The following PKP3 variants were observed in gnomAD, a reference collection of about 807,000 sequenced individuals.
PKP3 encodes the protein plakophilin 3, also known as plakophilin-3.
In PKP3, 66 loss-of-function variants were observed where a neutral mutation model predicts 76.5. The ratio of observed to expected loss-of-function variants is 0.86; its 90% CI spans 0.71 to 1.06. PKP3 has a LOEUF of 1.06. Ranked by LOEUF, PKP3 falls within the 50% of genes least tolerant of loss-of-function variation. The pLI, the probability that PKP3 is intolerant of heterozygous loss-of-function variation, is 0.00. For missense variants in PKP3, 1,338 were observed against 1,141.0 expected (o/e 1.17, Z -2.49); for synonymous variants, 638 against 516.5 (o/e 1.24, Z -3.19).
Position 394,492 on chromosome 11 carries a change from C to A in PKP3, c.200C>A (p.Ala67Asp). ...CAGCAGCCGCGGCACAACGGGGCCG[C>A]TGAGCCCGAGCCTGAGGCCGAGACT... Reference protein sequence around the residue: ...LGQQPRHNGAAEPEPEAETAR... With the variant: ...LGQQPRHNGADEPEPEAETAR... The change falls in exon 1 of 13, where the codon GCT becomes GAT. Residue 67 changes from alanine to aspartate, a missense_variant. Transcript: ENST00000331563. 7.1e-7 allele frequency: 1 copy of A among 1,411,348 alleles called. No homozygotes were observed. The highest frequency in any genetic ancestry group is 9.2e-7 in the Non-Finnish European group (1 of 1,090,356). The allele number at this position is 1,411,348 out of a possible 1,614,324, so 87.4% of individuals were successfully genotyped here. A position where few individuals can be genotyped will look rare whatever the true frequency, so the allele number is the denominator to read the frequency against.
Position 397,208 on chromosome 11 carries a change from A to T in PKP3, c.707A>T (p.Glu236Val), listed in dbSNP as rs1184002343. 1 of 1,598,854 alleles carries T rather than the reference A, an allele frequency of 6.3e-7. No individual in the cohort carries two copies. The highest frequency in any genetic ancestry group is 8.5e-7 in the Non-Finnish European group (1 of 1,179,192). ...AGGLDWPEAT[E>V]VSPSRTIRAP... Reference sequence around the variant, plus strand: ...GGGCTGGACTGGCCCGAGGCCACTGAGGTTTCCCCGAGCCGGACCATCCGT... The same window carrying T: ...GGGCTGGACTGGCCCGAGGCCACTGTGGTTTCCCCGAGCCGGACCATCCGT... The change falls in exon 3 of 13, where the codon GAG becomes GTG. Residue 236 changes from glutamate (E) to valine (V), a missense_variant. By Grantham distance (121) the Glu-to-Val change is moderately radical. Coordinates refer to ENST00000331563, the MANE Select transcript of PKP3 (RefSeq NM_007183.4).
intron 1 of PKP3, among the ~76,000 whole-genome samples, chr11:395,428 G>A (rs1847032497): frequency 6.6e-6 from 1 of 152,228 alleles, no homozygotes; most frequent in Non-Finnish European, 1.5e-5. Flanking sequence ...TGGACTGTGG[G>A]GTCCTCCCTC....
chr11:396,901 A>T lies in PKP3; in HGVS notation c.400A>T (p.Ser134Cys). The change falls in exon 3 of 13, where the codon AGT becomes TGT. Residue 134 changes from serine to cysteine, a missense_variant. Physicochemically the swap from Ser to Cys is moderately radical, Grantham distance 112 (BLOSUM62 -1). Coordinates refer to ENST00000331563, the MANE Select transcript of PKP3 (RefSeq NM_007183.4). ...AVDLSCSRRL[S>C]SAHNGGSAFG... ...GGATCTGAGCTGCAGTCGGAGGCTG[A>T]GTTCAGCCCACAACGGGGGCAGCGC... 1.3e-6 allele frequency: 2 copies of T among 1,597,670 alleles called. No individual in the cohort carries two copies. Among genetic ancestry groups the T allele is most frequent in the Non-Finnish European group, 1.7e-6 (2 of 1,175,092 alleles).
At chr11:393,759 C>G (rs1847005710), upstream of PKP3, among the ~76,000 whole-genome samples, 1 of 152,148 alleles carries the variant, frequency 6.6e-6, no homozygotes, top group Admixed American at 6.5e-5. Context: ...CCCCACCTCA[C>G]CAGGAAGGCT....
chr11:398,890 C>G, intron 4 of PKP3, 102 bp from the exon 5 acceptor site: 1 of 927,922 alleles, frequency 1.1e-6, no homozygotes, highest in Non-Finnish European at 1.6e-6. Flanking sequence ...GGCTGCATCC[C>G]CTGCATATCT....
chr11:400,804 T>G (rs1590357936), intron 8 of PKP3, 99 bp downstream of exon 8: 7 of 428,406 alleles, frequency 1.6e-5, no homozygotes, highest in Non-Finnish European at 2.0e-5. Context: ...CCCGCCCCGC[T>G]CACCCCGCCC....
chr11:404,635 GCTT>G lies in PKP3; in HGVS notation c.*67_*69del. On this transcript the variant is annotated 3_prime_UTR_variant, in exon 13 of 13. Coordinates refer to ENST00000331563, the MANE Select transcript of PKP3 (RefSeq NM_007183.4). This position sits in a 1 kb window ranked among gnomAD's most constrained non-coding sequence, Gnocchi z 4.2. ...CAAGGGACAGACTCAGCTCCAGGCT[GCTT>G]GGCAGCCCAGCCTGGAGGAGAAGGC... The G allele has an allele frequency of 6.6e-7, 1 of 1,519,402 alleles. No individual in the cohort carries two copies. The highest frequency in any genetic ancestry group is 9.1e-7 in the Non-Finnish European group (1 of 1,096,644). 94.1% of individuals were successfully genotyped at this position (1,519,402 alleles called of 1,614,324 possible).
intron 5 of PKP3, among the ~76,000 whole-genome samples, chr11:399,747 A>AG (rs1379494146): frequency 1.3e-5 from 2 of 149,972 alleles, no homozygotes; most frequent in Non-Finnish European, 3.0e-5. Context: ...CTGCACTGCC[A>AG]GGCCTGCTCA....
chr11:397,266 G>T lies in PKP3; in HGVS notation c.765G>T (p.Gln255His). 1 of 1,599,180 alleles carries T rather than the reference G, an allele frequency of 6.3e-7. No individual in the cohort carries two copies. The highest frequency in any genetic ancestry group is 8.5e-7 in the Non-Finnish European group (1 of 1,177,132). ...CCGTGCGGACCCTGCAGCGATTCCA[G>T]AGCAGCCACCGGAGCCGCGGGGTAG... ...APAVRTLQRF[Q>H]SSHRSRGVGG... Residue 255 changes from glutamine (Q) to histidine (H), a missense_variant, in exon 3 of 13, where the codon CAG (glutamine) becomes CAT (histidine). Physicochemically the swap from Gln to His is conservative, Grantham distance 24 (BLOSUM62 0). Coordinates refer to ENST00000331563, the MANE Select transcript of PKP3 (RefSeq NM_007183.4).
intron 9 of PKP3, 32 bp from the exon 10 acceptor site, chr11:403,586 C>A (rs374577798): frequency 1.3e-6 from 2 of 1,594,302 alleles, no homozygotes; most frequent in Non-Finnish European, 1.7e-6. Context: ...CTGAGGCCTC[C>A]GGGTCACGGC....
rs2133592737 is a variant in PKP3 at position 394,209 on chromosome 11, A to G, written c.-84A>G. 45 of 1,390,454 alleles carry G rather than the reference A, an allele frequency of 3.2e-5. No homozygotes were observed. The South Asian group carries it at 5.7e-4, about 18-fold the overall frequency. 86.1% of individuals were successfully genotyped at this position (1,390,454 alleles called of 1,614,324 possible). ...GTGAGGCTGGCTGGGCGGGGACTTCAGGGAGAGGGCCTCGAGGGACAGGAC... is the reference window on the plus strand; with the variant it reads ...GTGAGGCTGGCTGGGCGGGGACTTCGGGGAGAGGGCCTCGAGGGACAGGAC... On this transcript the variant is annotated 5_prime_UTR_variant, in exon 1 of 13. Coordinates refer to ENST00000331563, the MANE Select transcript of PKP3 (RefSeq NM_007183.4).
chr11:404,867 G>C lies in PKP3; in HGVS notation c.*298G>C, dbSNP rs572065201. The stretch of plus-strand genomic sequence containing the variant: ...GTTGGCTGTGGCCTGGCAGTATCTT[G>C]GGATAGCCAGCACTGGGAATAAAGA... On this transcript the variant is annotated 3_prime_UTR_variant, in exon 13 of 13. Transcript: ENST00000331563. This position sits in a 1 kb window ranked among gnomAD's most constrained non-coding sequence, Gnocchi z 4.2. 107 of 472,226 alleles carry C rather than the reference G, an allele frequency of 2.3e-4. No homozygotes were observed. The highest frequency in any genetic ancestry group is 3.7e-4 in the Non-Finnish European group (96 of 256,912). 29.3% of individuals were successfully genotyped at this position (472,226 alleles called of 1,614,324 possible).
At chr11:395,480 G>A (rs544323232) in intron 1 of PKP3, among the ~76,000 whole-genome samples, 123 of 152,320 alleles carry the variant, frequency 8.1e-4, no homozygotes, top group South Asian at 2.5e-3. Context: ...GGGTGCCCAG[G>A]GGTCATGGGG....
chr11:395,622 G>A (rs929014854), intron 1 of PKP3, among the ~76,000 whole-genome samples: 3 of 152,196 alleles, frequency 2.0e-5, no homozygotes, highest in Non-Finnish European at 4.4e-5. Flanking sequence ...TGGGCCTCAC[G>A]AGCGTCAGAG....
At chr11:400,229 CCGCACGCCT>C in intron 6 of PKP3, 88 bp downstream of exon 6, 1 of 1,407,058 alleles carries the variant, frequency 7.1e-7, no homozygotes. Flanking sequence ...AGCCCACACA[CCGCACGCCT>C]CGCGCTGGGG....
intron 7 of PKP3, 36 bp downstream of exon 7, chr11:400,487 C>T (rs779419059): frequency 2.0e-6 from 3 of 1,508,786 alleles, no homozygotes; most frequent in Non-Finnish European, 1.8e-6. Flanking sequence ...GCCGTGCCCC[C>T]GGGCCGCCGC....
upstream of PKP3, chr11:392,698 C>A: frequency 1.6e-6 from 2 of 1,286,546 alleles, no homozygotes; most frequent in Non-Finnish European, 2.0e-6. Context: ...GGGATCCGGA[C>A]CACGAGCCGG....
At position 403,157 on chromosome 11, in the gene PKP3, A is replaced by G. The variant is rs768118920; in HGVS notation, c.1817A>G (p.Gln606Arg). ...GGCCTCGAGTGGCTGTGGAGCCCCC[A>G]GATCGTGGGGCTGTACAACCGGCTG... ...PKGLEWLWSPQIVGLYNRLLQ... is the reference protein window; with the variant it reads ...PKGLEWLWSPRIVGLYNRLLQ... Residue 606 changes from glutamine (Q) to arginine (R), a missense_variant, in exon 9 of 13, where the codon CAG becomes CGG. Transcript: ENST00000331563. 6.3e-7 allele frequency: 1 copy of G among 1,583,348 alleles called. No individual in the cohort carries two copies. The highest frequency in any genetic ancestry group is 1.1e-5 in the South Asian group (1 of 87,340).
In PKP3 at chr11:404,319, G is replaced by C. The variant is rs200054780; in HGVS notation, c.2354G>C (p.Arg785Pro). The C allele has an allele frequency of 6.2e-7, 1 of 1,612,028 alleles. No homozygotes were observed. The highest frequency in any genetic ancestry group is 8.5e-7 in the Non-Finnish European group (1 of 1,179,352). Residue 785 changes from arginine (R) to proline (P), a missense_variant, in exon 12 of 13, where the codon CGG (arginine) becomes CCG (proline). Coordinates refer to ENST00000331563, the MANE Select transcript of PKP3 (RefSeq NM_007183.4). This position sits in a 1 kb window ranked among gnomAD's most constrained non-coding sequence, Gnocchi z 4.2. ...WQYNKLHRDF[R>P]AKGYRKEDFL... is the part of the protein sequence containing the mutation. ...TACAACAAGCTCCACCGTGACTTCCGGGCGGTACGTTTCCCGAGCCCAGGG... is the reference window on the plus strand; with the variant it reads ...TACAACAAGCTCCACCGTGACTTCCCGGCGGTACGTTTCCCGAGCCCAGGG...
Sources: allele counts gnomAD v4.1 joint callset (sites outside exome capture counted in the v4.1 genomes callset), GRCh38; gene constraint gnomAD v4.1.1; non-coding constraint Gnocchi (gnomAD v3.1); transcripts MANE v1.5; gene names NCBI Gene and HGNC (gene_info 2026-07-23, HGNC 2026-07-21).